Variants in RBFOX1 observed in about 807,000 individuals in gnomAD.
RBFOX1 encodes RNA binding protein fox-1 homolog 1.
In RBFOX1, 8 loss-of-function variants were observed where a neutral mutation model predicts 57.7. The ratio of observed to expected loss-of-function variants is 0.14; its 90% CI spans 0.08 to 0.25. RBFOX1 has a LOEUF of 0.25. Among genes scored for constraint, RBFOX1 ranks in the 10% least tolerant of loss-of-function variants. The pLI is 1.00. For missense variants in RBFOX1, 611 were observed against 548.5 expected (o/e 1.11, Z -1.14); for synonymous variants, 326 against 222.4 (o/e 1.47, Z -4.15).
chr16:7,136,902 A>G (rs1220821983), intron 4 of RBFOX1, among the ~76,000 whole-genome samples: 1 of 152,202 alleles, frequency 6.6e-6, no homozygotes, highest in Non-Finnish European at 1.5e-5. Context: ...GGCAGGAAGG[A>G]GGCATCTAGA....
At chr16:5,420,555 C>G (rs2067287099) in intron 1 of RBFOX1, among the ~76,000 whole-genome samples, 1 of 152,114 alleles carries the variant, frequency 6.6e-6, no homozygotes, top group African/African-American at 2.4e-5. Context: ...GTCATCCAGG[C>G]TGGAGTGCAG....
chr16:6,193,356 T>C (rs1182185102), intron 1 of RBFOX1, among the ~76,000 whole-genome samples: 1 of 64,584 alleles, frequency 1.5e-5, no homozygotes, highest in Non-Finnish European at 3.5e-5. Flanking sequence ...TATATATACA[T>C]TATATATATA....
chr16:7,394,145 A>T (rs2098096418), intron 4 of RBFOX1, among the ~76,000 whole-genome samples: 1 of 142,182 alleles, frequency 7.0e-6, no homozygotes, highest in Non-Finnish European at 1.5e-5. Context: ...CTGAGGCAGG[A>T]GAATTGCTTG....
intron 9 of RBFOX1, among the ~76,000 whole-genome samples, chr16:7,605,002 AC>A (rs1317007499): frequency 6.6e-6 from 1 of 152,104 alleles, no homozygotes; most frequent in Non-Finnish European, 1.5e-5. Flanking sequence ...ATTTAATATG[AC>A]CCCATATAGA....
chr16:7,326,315 C>T (rs887577259), intron 4 of RBFOX1, among the ~76,000 whole-genome samples: 11 of 152,210 alleles, frequency 7.2e-5, no homozygotes, highest in Admixed American at 2.6e-4. Flanking sequence ...CCATAGATCA[C>T]GAGTGCTGGG....
chr16:6,992,982 A>C (rs1290703822), intron 3 of RBFOX1, among the ~76,000 whole-genome samples: 1 of 152,152 alleles, frequency 6.6e-6, no homozygotes, highest in Non-Finnish European at 1.5e-5. Flanking sequence ...TTTAAACATA[A>C]AGCCGAGAGC....
chr16:6,574,089 T>A (rs1421755959), intron 2 of RBFOX1, among the ~76,000 whole-genome samples: 1 of 152,154 alleles, frequency 6.6e-6, no homozygotes, highest in Non-Finnish European at 1.5e-5. Context: ...AACTCTTCAT[T>A]CAAGCGATGA....
chr16:6,640,965 G>C (rs1201095308), intron 2 of RBFOX1, among the ~76,000 whole-genome samples: 1 of 152,168 alleles, frequency 6.6e-6, no homozygotes, highest in Non-Finnish European at 1.5e-5. Context: ...TACTCAAATG[G>C]AAGGCCTGCT....
intron 4 of RBFOX1, among the ~76,000 whole-genome samples, chr16:7,235,711 CT>C (rs1463263621): frequency 6.6e-6 from 1 of 152,160 alleles, no homozygotes; most frequent in Non-Finnish European, 1.5e-5. Flanking sequence ...GAAGTTGTCT[CT>C]TTTTTCCTGC....
Position 6,344,407 on chromosome 16 carries a change from C to CTTTTTTTTTTTTTTTTTTTTTTTTTTT in RBFOX1, c.-64+27362_-64+27363insTTTTTTTTTTTTTTTTTTTTTTTTTTT, listed in dbSNP as rs60637926. Among the ~76,000 whole-genome samples the CTTTTTTTTTTTTTTTTTTTTTTTTTTT allele has an allele frequency of 1.3e-3, 146 of 109,820 alleles. 4 individuals are homozygous for CTTTTTTTTTTTTTTTTTTTTTTTTTTT. Among genetic ancestry groups the CTTTTTTTTTTTTTTTTTTTTTTTTTTT allele is most frequent in the African/African-American group, 2.6e-3 (60 of 22,982 alleles). 72.0% of individuals were successfully genotyped at this position (109,820 alleles called of 152,430 possible). ...TCTCTTCTTCTTTTTTCTTTTTTTT[C>CTTTTTTTTTTTTTTTTTTTTTTTTTTT]TTTTTTTTTTTTGAGACAGAGTCTC... On this transcript the variant is annotated intron_variant, in intron 2 of 15. Coordinates refer to ENST00000550418, the MANE Select transcript of RBFOX1 (RefSeq NM_018723.4).
At chr16:7,071,081 G>A (rs151107046) in intron 4 of RBFOX1, among the ~76,000 whole-genome samples, 1 of 152,160 alleles carries the variant, frequency 6.6e-6, no homozygotes, top group Non-Finnish European at 1.5e-5. Context: ...CTCAAAGCCT[G>A]AGAAAGGAGG....
At position 7,027,212 on chromosome 16, in the gene RBFOX1, G is replaced by A. The variant is rs535798020; in HGVS notation, c.-15-24845G>A. ...GCTGTATCTTATTGAACTCTCCAGCGCACAGAAAAAACTCATAAATATTTG... is the reference window on the plus strand; with the variant it reads ...GCTGTATCTTATTGAACTCTCCAGCACACAGAAAAAACTCATAAATATTTG... On this transcript the variant is annotated intron_variant, in intron 3 of 15. Coordinates refer to ENST00000550418, the MANE Select transcript of RBFOX1 (RefSeq NM_018723.4). Among the ~76,000 whole-genome samples, 67 of 152,114 alleles carry A rather than the reference G, an allele frequency of 4.4e-4. 2 individuals carry two copies. In the South Asian group the frequency reaches 0.012, roughly 28 times the overall value.
chr16:7,052,437 T>C (rs1035556847), intron 4 of RBFOX1, among the ~76,000 whole-genome samples: 1 of 152,188 alleles, frequency 6.6e-6, no homozygotes, highest in Non-Finnish European at 1.5e-5. Flanking sequence ...GCTGCCTTCT[T>C]AATATGAATA....
intron 15 of RBFOX1, chr16:7,709,347 A>AT (rs1335421293): frequency 4.0e-6 from 4 of 994,686 alleles, no homozygotes; most frequent in Non-Finnish European, 5.6e-6. Context: ...TATATTTCTA[A>AT]TTTTGCAAGT....
At chr16:5,292,927 G>A (rs924690206) in intron 1 of RBFOX1, among the ~76,000 whole-genome samples, 2 of 151,936 alleles carry the variant, frequency 1.3e-5, no homozygotes, top group African/African-American at 2.4e-5. Context: ...CCAGCCTGGA[G>A]TTTTTTTTAA....
chr16:7,628,749 A>G (rs2060467820), intron 10 of RBFOX1, among the ~76,000 whole-genome samples: 1 of 152,062 alleles, frequency 6.6e-6, no homozygotes. Context: ...AGTAGCTGGA[A>G]TTACAGGCGC....
At chr16:6,979,555 T>G (rs2088089988) in intron 3 of RBFOX1, among the ~76,000 whole-genome samples, 1 of 152,192 alleles carries the variant, frequency 6.6e-6, no homozygotes, top group South Asian at 2.1e-4. Context: ...GCAATGCTTT[T>G]GCAAAAGAAG....
chr16:6,120,666 A>T (rs956907781), intron 1 of RBFOX1, among the ~76,000 whole-genome samples: 3 of 152,212 alleles, frequency 2.0e-5, no homozygotes, highest in African/African-American at 7.2e-5. Flanking sequence ...GTTATTAATT[A>T]TTAATATTAA....
chr16:6,526,736 A>C (rs2096583188), intron 2 of RBFOX1, among the ~76,000 whole-genome samples: 1 of 145,246 alleles, frequency 6.9e-6, no homozygotes, highest in African/African-American at 2.5e-5. Context: ...AGGCTGAGGC[A>C]GGAGAATGGC....
Sources: allele counts gnomAD v4.1 joint callset (sites outside exome capture counted in the v4.1 genomes callset), GRCh38; gene constraint gnomAD v4.1.1; transcripts MANE v1.5; gene names NCBI Gene and HGNC (gene_info 2026-07-23, HGNC 2026-07-21).